Variants in FRMD4B observed in about 807,000 individuals in gnomAD.
The protein encoded by FRMD4B is FERM domain-containing protein 4B.
Under a neutral mutation model 141.5 loss-of-function variants are expected in FRMD4B, and 74 were observed. The ratio of observed to expected loss-of-function variants is 0.52; its 90% CI spans 0.43 to 0.63. The LOEUF (loss-of-function observed/expected upper bound fraction) is 0.63, where lower values mean the gene tolerates loss of function less well. Among genes scored for constraint, FRMD4B ranks in the 30% least tolerant of loss-of-function variants. FRMD4B has a pLI of 0.00. For missense variants in FRMD4B, 1,366 were observed against 1,253.4 expected (o/e 1.09, Z -1.36); for synonymous variants, 506 against 467.9 (o/e 1.08, Z -1.05).
intron 1 of FRMD4B, among the ~76,000 whole-genome samples, chr3:69,373,549 GTGTC>G (rs1475074729): frequency 1.3e-5 from 2 of 152,270 alleles, no homozygotes; most frequent in African/African-American, 4.8e-5. Context: ...GCTCAGCACT[GTGTC>G]TGACATATAG....
intron 19 of FRMD4B, among the ~76,000 whole-genome samples, chr3:69,182,948 T>A (rs886114368): frequency 2.6e-5 from 4 of 152,134 alleles, no homozygotes; most frequent in Admixed American, 2.0e-4. Flanking sequence ...AAAAAAGGAC[T>A]TTTAATAAAG....
At chr3:69,474,628 A>G (rs1705951921) in intron 1 of FRMD4B, among the ~76,000 whole-genome samples, 1 of 152,152 alleles carries the variant, frequency 6.6e-6, no homozygotes, top group African/African-American at 2.4e-5. Flanking sequence ...CACTGCAAAA[A>G]CCAAAGAATT....
intron 5 of FRMD4B, among the ~76,000 whole-genome samples, chr3:69,267,577 ATGTGTGTGTGTGTGTGTG>A (rs757634766): frequency 4.6e-4 from 21 of 45,376 alleles, no homozygotes; most frequent in African/African-American, 2.0e-3. Context: ...ATATATATAT[ATGTGTGTGTGTGTGTGTG>A]TATATATATA....
intron 3 of FRMD4B, among the ~76,000 whole-genome samples, chr3:69,304,501 A>C (rs1420191770): frequency 2.0e-5 from 3 of 151,814 alleles, no homozygotes; most frequent in Non-Finnish European, 4.4e-5. Context: ...AAAAAAAAAA[A>C]AAAACAGTAC....
At chr3:69,355,510 C>A (rs914914315) in intron 1 of FRMD4B, among the ~76,000 whole-genome samples, 5 of 152,106 alleles carry the variant, frequency 3.3e-5, no homozygotes, top group Non-Finnish European at 5.9e-5. Flanking sequence ...ACTAGTGGGA[C>A]ATTTCTGATT....
At chr3:69,500,850 A>G (rs1706483475) in intron 1 of FRMD4B, among the ~76,000 whole-genome samples, 1 of 152,210 alleles carries the variant, frequency 6.6e-6, no homozygotes, top group African/African-American at 2.4e-5. Flanking sequence ...GGATGAATCA[A>G]GAAGCACAAA....
chr3:69,206,134 C>T (rs1314179454), intron 11 of FRMD4B, among the ~76,000 whole-genome samples: 1 of 152,064 alleles, frequency 6.6e-6, no homozygotes, highest in Non-Finnish European at 1.5e-5. Context: ...GGTGGATTGT[C>T]TAAAGTCAGG....
intron 1 of FRMD4B, among the ~76,000 whole-genome samples, chr3:69,540,181 C>G (rs1275276799): frequency 1.5e-5 from 1 of 67,196 alleles, no homozygotes; most frequent in African/African-American, 1.4e-4. Flanking sequence ...TGACAGAGTT[C>G]GAAGGAAAAA....
intron 7 of FRMD4B, among the ~76,000 whole-genome samples, chr3:69,235,592 G>T (rs1045930518): frequency 3.3e-5 from 5 of 151,930 alleles, no homozygotes; most frequent in African/African-American, 1.2e-4. Context: ...CTGGGAGGCG[G>T]AGGTTGCAGT....
chr3:69,254,010 G>A (rs1416459020), intron 5 of FRMD4B, among the ~76,000 whole-genome samples: 3 of 152,180 alleles, frequency 2.0e-5, no homozygotes, highest in Non-Finnish European at 4.4e-5. Context: ...AGCCTGGGAT[G>A]TCGAAGCTGC....
At chr3:69,330,509 G>T (rs1284338899) in intron 1 of FRMD4B, among the ~76,000 whole-genome samples, 1 of 151,344 alleles carries the variant, frequency 6.6e-6, no homozygotes, top group African/African-American at 2.4e-5. Context: ...AATATACCTG[G>T]CTAATTTTTG....
chr3:69,502,897 G>A (rs1020863913), intron 1 of FRMD4B, among the ~76,000 whole-genome samples: 24 of 152,200 alleles, frequency 1.6e-4, no homozygotes, highest in African/African-American at 4.1e-4. Context: ...CACTTCTCAA[G>A]AGAAGACATT....
At chr3:69,175,176 A>T (rs2092630043) in intron 22 of FRMD4B, among the ~76,000 whole-genome samples, 1 of 152,214 alleles carries the variant, frequency 6.6e-6, no homozygotes, top group African/African-American at 2.4e-5. Context: ...AGAAACCTTT[A>T]TAAGTTGTAG....
intron 2 of FRMD4B, among the ~76,000 whole-genome samples, chr3:69,421,779 G>A (rs549807133): frequency 6.6e-6 from 1 of 152,314 alleles, no homozygotes; most frequent in East Asian, 1.9e-4. Context: ...AACATGTCCA[G>A]CTTTGTAGAA....
intron 4 of FRMD4B, among the ~76,000 whole-genome samples, chr3:69,291,505 A>G (rs1196498405): frequency 6.6e-6 from 1 of 152,206 alleles, no homozygotes; most frequent in Non-Finnish European, 1.5e-5. Context: ...CTGGATATAA[A>G]TGAGTGATGC....
At chr3:69,394,310 C>T (rs1704437985) in intron 2 of FRMD4B, among the ~76,000 whole-genome samples, 1 of 152,222 alleles carries the variant, frequency 6.6e-6, no homozygotes, top group Non-Finnish European at 1.5e-5. Flanking sequence ...GCCCAATTAC[C>T]TCCCCAAAGC....
Position 69,498,770 on chromosome 3 carries a change from G to A in FRMD4B, c.-129+43436C>T, listed in dbSNP as rs534653100. The stretch of plus-strand genomic sequence containing the variant: ...TACAAGTATTCACTGATTTGCAGAC[G>A]GGCTCACAGGCACTCATTATTATTC... On this transcript the variant is annotated intron_variant, in intron 1 of 5. Transcript: ENST00000459638. Among the ~76,000 whole-genome samples, 6 of 152,176 alleles carry A rather than the reference G, an allele frequency of 3.9e-5. No individual in the cohort carries two copies. The South Asian group carries it at 6.2e-4, about 16-fold the overall frequency.
rs776062673 is a variant in FRMD4B at position 69,171,696 on chromosome 3, GC to G, written c.*164del. The G allele has an allele frequency of 9.4e-4, 623 of 663,446 alleles. 4 individuals are homozygous for G. Among genetic ancestry groups the G allele is most frequent in the Middle Eastern group, 4.5e-3 (12 of 2,670 alleles). The allele number at this position is 663,446 out of a possible 1,614,324, so 41.1% of individuals were successfully genotyped here. A position where few individuals can be genotyped will look rare whatever the true frequency, so the allele number is the denominator to read the frequency against. On this transcript the variant is annotated 3_prime_UTR_variant, in exon 23 of 23. Transcript: ENST00000398540. The stretch of plus-strand genomic sequence containing the variant: ...AATCCTCCTTTAGGGGCTTTGTGGG[GC>G]TTGGTGTGTGATTCACTGATTCACT...
intron 1 of FRMD4B, among the ~76,000 whole-genome samples, chr3:69,508,449 C>T (rs887054615): frequency 2.0e-5 from 3 of 152,284 alleles, no homozygotes; most frequent in South Asian, 4.1e-4. Flanking sequence ...AATTACATGG[C>T]TTCCAACGTG....
Sources: gnomAD v4.1 joint callset for allele counts (sites outside exome capture counted in the v4.1 genomes callset) on GRCh38, gnomAD v4.1.1 for gene constraint, MANE v1.5 for transcripts, NCBI Gene and HGNC (gene_info 2026-07-23, HGNC 2026-07-21) for gene names.